NELL1: variants seen among roughly 807,000 people sequenced by gnomAD.
NELL1 encodes neural EGFL like 1.
A neutral mutation model predicts 107.4 loss-of-function variants in NELL1; 76 were observed. That is an observed-to-expected ratio of 0.71 (90% CI 0.59 to 0.86). The LOEUF (loss-of-function observed/expected upper bound fraction) is 0.86. Ranked by LOEUF, NELL1 falls within the 40% of genes least tolerant of loss-of-function variation. The probability of loss-of-function intolerance (pLI) is 0.00; values close to 1 mark genes in which losing one functional copy is unlikely to be tolerated. For missense variants in NELL1, 1,024 were observed against 1,005.5 expected, an observed-to-expected ratio of 1.02 and a Z score of -0.25; for synonymous variants, 353 against 341.2, an observed-to-expected ratio of 1.03 and a Z score of -0.38.
intron 13 of NELL1, among the ~76,000 whole-genome samples, chr11:21,151,226 G>C (rs1015793013): frequency 6.6e-6 from 1 of 152,172 alleles, no homozygotes; most frequent in Non-Finnish European, 1.5e-5. Flanking sequence ...CACTGGTCTA[G>C]AGGAACATAC....
intron 3 of NELL1, among the ~76,000 whole-genome samples, chr11:20,789,530 G>T (rs562626570): frequency 1.8e-4 from 27 of 152,330 alleles, no homozygotes; most frequent in African/African-American, 6.0e-4. Context: ...AAGGGCTGCA[G>T]CTCTTCTCTT....
chr11:21,249,056 G>A (rs998029297), intron 14 of NELL1, among the ~76,000 whole-genome samples: 3 of 152,114 alleles, frequency 2.0e-5, no homozygotes, highest in African/African-American at 7.2e-5. Context: ...CTGAAGTCAG[G>A]ACCACCCCCT....
At chr11:21,025,209 A>G (rs1462603999) in intron 12 of NELL1, among the ~76,000 whole-genome samples, 1 of 152,108 alleles carries the variant, frequency 6.6e-6, no homozygotes, top group Non-Finnish European at 1.5e-5. Flanking sequence ...AAGTACTTGA[A>G]TAATAATTAT....
chr11:21,531,116 T>C (rs2133967291), intron 15 of NELL1, among the ~76,000 whole-genome samples: 1 of 152,258 alleles, frequency 6.6e-6, no homozygotes, highest in East Asian at 1.9e-4. Flanking sequence ...GGGAGGGAGT[T>C]GGTGATATTG....
At chr11:21,230,426 A>G (rs2133885033) in intron 14 of NELL1, among the ~76,000 whole-genome samples, 1 of 152,328 alleles carries the variant, frequency 6.6e-6, no homozygotes, top group Admixed American at 6.5e-5. Context: ...TGACTTGCAC[A>G]CGGTAGGTGC....
At chr11:21,427,113 T>A (rs181922373) in intron 15 of NELL1, among the ~76,000 whole-genome samples, 1 of 152,132 alleles carries the variant, frequency 6.6e-6, no homozygotes, top group Admixed American at 6.6e-5. Context: ...AAAGTCAGCA[T>A]GAAACAGGGG....
At chr11:21,389,376 A>T (rs1238587305) in intron 15 of NELL1, among the ~76,000 whole-genome samples, 2 of 151,644 alleles carry the variant, frequency 1.3e-5, no homozygotes, top group Non-Finnish European at 2.9e-5. Context: ...AATTTAAGTC[A>T]CTCTGTCTTT....
At chr11:21,069,818 C>T (rs188141102) in intron 12 of NELL1, among the ~76,000 whole-genome samples, 196 of 152,220 alleles carry the variant, frequency 1.3e-3, no homozygotes, top group African/African-American at 4.5e-3. Flanking sequence ...CCAGGCTCCC[C>T]TGTCAATTTC....
rs1395481354 is a variant in NELL1 at position 21,573,429 on chromosome 11, A to T, written c.2382+20A>T. 6.2e-7 allele frequency: 1 copy of T among 1,601,904 alleles called. No homozygotes were observed. Among genetic ancestry groups the T allele is most frequent in the Admixed American group, 1.7e-5 (1 of 59,808 alleles). ...TGCAAGGTAATTGGATGTTCTGCGGATATTGAAGCCTTGAACAATTGCCAG... is the reference window on the plus strand; with the variant it reads ...TGCAAGGTAATTGGATGTTCTGCGGTTATTGAAGCCTTGAACAATTGCCAG... On this transcript the variant is annotated intron_variant, in intron 19 of 19. Coordinates refer to ENST00000357134, the MANE Select transcript of NELL1 (RefSeq NM_006157.5).
intron 14 of NELL1, among the ~76,000 whole-genome samples, chr11:21,242,163 G>A (rs1486344035): frequency 6.6e-6 from 1 of 152,014 alleles, no homozygotes; most frequent in African/African-American, 2.4e-5. Flanking sequence ...GGTAGATGCT[G>A]TAACAGATAA....
chr11:20,747,504 AAAG>A (rs1272481261), intron 2 of NELL1, among the ~76,000 whole-genome samples: 2 of 152,204 alleles, frequency 1.3e-5, no homozygotes, highest in Admixed American at 6.5e-5. Flanking sequence ...AGTAAATTAT[AAAG>A]AAAAGTAATT....
chr11:21,542,650 A>C (rs1856319597), intron 16 of NELL1, among the ~76,000 whole-genome samples: 2 of 151,750 alleles, frequency 1.3e-5, no homozygotes, highest in East Asian at 4.0e-4. Context: ...CCTTCTTTGC[A>C]TTTCTGGTGA....
intron 14 of NELL1, among the ~76,000 whole-genome samples, chr11:21,323,247 G>A (rs1182208505): frequency 6.6e-6 from 1 of 152,092 alleles, no homozygotes; most frequent in Non-Finnish European, 1.5e-5. Context: ...TAAACACTAG[G>A]GGATCTCAGA....
chr11:20,758,921 A>T (rs1275474649), intron 2 of NELL1, among the ~76,000 whole-genome samples: 2 of 152,200 alleles, frequency 1.3e-5, no homozygotes, highest in African/African-American at 2.4e-5. Flanking sequence ...ATAAGTACTT[A>T]AAAAATTGGT....
intron 13 of NELL1, among the ~76,000 whole-genome samples, chr11:21,118,294 G>A (rs1437544394): frequency 4.6e-5 from 7 of 152,006 alleles, no homozygotes. Flanking sequence ...TTTACAATGG[G>A]GAATATGGAT....
At chr11:21,204,805 C>T (rs960521643) in intron 13 of NELL1, among the ~76,000 whole-genome samples, 8 of 152,024 alleles carry the variant, frequency 5.3e-5, no homozygotes, top group Non-Finnish European at 8.8e-5. Context: ...TTCTGAGCGA[C>T]GTCATTTTTG....
At chr11:21,366,233 G>A (rs1851216784) in intron 14 of NELL1, among the ~76,000 whole-genome samples, 1 of 152,082 alleles carries the variant, frequency 6.6e-6, no homozygotes, top group East Asian at 1.9e-4. Flanking sequence ...GAAGAAGGCC[G>A]ACTTATCCGC....
chr11:20,977,431 A>AT (rs1479620208), intron 12 of NELL1, among the ~76,000 whole-genome samples: 1 of 151,708 alleles, frequency 6.6e-6, no homozygotes, highest in Non-Finnish European at 1.5e-5. Flanking sequence ...CGCCCTGCTA[A>AT]TTTTTTTGTA....
intron 13 of NELL1, among the ~76,000 whole-genome samples, chr11:21,216,196 T>G (rs1171841450): frequency 6.6e-6 from 1 of 152,076 alleles, no homozygotes; most frequent in Non-Finnish European, 1.5e-5. Flanking sequence ...TGCACAGAAG[T>G]CAAGAATTGA....
Sources: allele counts gnomAD v4.1 joint callset (sites outside exome capture counted in the v4.1 genomes callset), GRCh38; gene constraint gnomAD v4.1.1; transcripts MANE v1.5; gene names NCBI Gene and HGNC (gene_info 2026-07-23, HGNC 2026-07-21).